Variants in MBP observed in about 807,000 individuals in gnomAD.
The protein encoded by MBP is Golli-MBP.
MBP carries 16 observed loss-of-function variants against 35.8 expected under a neutral mutation model. The observed-to-expected ratio is 0.45, with a 90% CI of 0.30 to 0.68. The LOEUF is 0.68. Ranked by LOEUF, MBP falls within the 30% of genes least tolerant of loss-of-function variation. The pLI is 0.08. For synonymous variants in MBP, 143 were observed against 159.6 expected, an observed-to-expected ratio of 0.90 and a Z score of 0.78; for missense variants, 380 against 404.7, an observed-to-expected ratio of 0.94 and a Z score of 0.52.
At chr18:77,067,970 C>T in intron 2 of MBP, 1 of 402,472 alleles carries the variant, frequency 2.5e-6, no homozygotes. Flanking sequence ...GGGCCCTACA[C>T]TCCGCCTCCT....
intron 2 of MBP, among the ~76,000 whole-genome samples, chr18:77,075,490 G>A (rs947118009): frequency 2.0e-5 from 3 of 152,206 alleles, no homozygotes; most frequent in East Asian, 1.9e-4. Flanking sequence ...CAGGAGCAGC[G>A]GGCTGAAGGT....
chr18:77,052,197 A>T (rs1253708158), intron 3 of MBP, among the ~76,000 whole-genome samples: 1 of 152,212 alleles, frequency 6.6e-6, no homozygotes, highest in Non-Finnish European at 1.5e-5. Context: ...CAGAGTCCCA[A>T]GTTCCAATCA....
intron 3 of MBP, among the ~76,000 whole-genome samples, chr18:77,059,769 T>A (rs914252761): frequency 9.2e-5 from 14 of 152,110 alleles, no homozygotes; most frequent in Non-Finnish European, 1.8e-4. Context: ...AGATAAGAGA[T>A]GCACCGCCTT....
intron 8 of MBP, chr18:76,982,569 C>T (rs1482228532): frequency 6.6e-6 from 1 of 152,164 alleles, no homozygotes; most frequent in Non-Finnish European, 1.5e-5. Context: ...GTTTTTTCTA[C>T]CCAGTTCCTA....
intron 4 of MBP, among the ~76,000 whole-genome samples, chr18:77,007,135 C>T (rs151229452): frequency 9.8e-5 from 15 of 152,320 alleles, no homozygotes; most frequent in African/African-American, 3.6e-4. Context: ...TCATGGAATC[C>T]CTGCATTTTA....
At chr18:77,051,085 G>A (rs1973468335) in intron 3 of MBP, among the ~76,000 whole-genome samples, 2 of 152,094 alleles carry the variant, frequency 1.3e-5, no homozygotes, top group Admixed American at 6.5e-5. Flanking sequence ...TGGTAAACTT[G>A]AGGTAACATA....
intron 4 of MBP, chr18:77,015,549 C>G (rs187100049): frequency 2.3e-5 from 23 of 985,336 alleles, no homozygotes; most frequent in East Asian, 2.3e-4. Flanking sequence ...ATATGAATTC[C>G]ATTAGTATCT....
chr18:77,106,510 C>T (rs113677220), intron 1 of MBP, among the ~76,000 whole-genome samples: 32 of 152,190 alleles, frequency 2.1e-4, no homozygotes, highest in Admixed American at 5.2e-4. Context: ...GACTAGCAGC[C>T]GACCACAGAC....
intron 1 of MBP, among the ~76,000 whole-genome samples, chr18:77,106,558 T>C (rs1630958): frequency 0.27 from 41,225 of 151,974 alleles, 6,523 homozygotes; most frequent in South Asian, 0.4. Flanking sequence ...GTGATGAAAC[T>C]GGGGCCCACG....
intron 4 of MBP, among the ~76,000 whole-genome samples, chr18:76,991,138 C>T (rs1453313455): frequency 6.6e-6 from 1 of 152,196 alleles, no homozygotes; most frequent in African/African-American, 2.4e-5. Flanking sequence ...ATGAGCTGGT[C>T]TCTGCTTCTC....
At chr18:77,003,276 T>C (rs1487498335) in intron 4 of MBP, 1 of 152,164 alleles carries the variant, frequency 6.6e-6, no homozygotes, top group Non-Finnish European at 1.5e-5. Context: ...AACCAACATA[T>C]CTCCTGGTCC....
At chr18:77,096,143 A>G (rs1975748651) in intron 2 of MBP, among the ~76,000 whole-genome samples, 1 of 152,258 alleles carries the variant, frequency 6.6e-6, no homozygotes. Context: ...CCTAGTTGGA[A>G]AAAGTCAGTG....
At chr18:77,118,741 GACACCACACAC>G (rs1347897490) in intron 1 of MBP, among the ~76,000 whole-genome samples, 1 of 120,998 alleles carries the variant, frequency 8.3e-6, no homozygotes, top group Admixed American at 8.5e-5. Context: ...ACCCTTCACA[GACACCACACAC>G]ACACCACACA....
chr18:77,101,421 A>G lies in MBP; in HGVS notation c.51+3790T>C, dbSNP rs1383487576. Among the ~76,000 whole-genome samples the G allele has an allele frequency of 6.6e-6, 1 of 152,254 alleles. No individual in the cohort carries two copies. The highest frequency in any genetic ancestry group is 1.5e-5 in the Non-Finnish European group (1 of 68,042). On this transcript the variant is annotated intron_variant, in intron 2 of 8. Coordinates refer to ENST00000355994, the MANE Select transcript of MBP (RefSeq NM_001025101.2). This position sits in a 1 kb window ranked among gnomAD's most constrained non-coding sequence, Gnocchi z 4.3. The stretch of plus-strand genomic sequence containing the variant: ...GAACAGGAGTTTCTTCGTTTCTGAG[A>G]AGGAGCGCTGTGCCCTGAACCTGCG...
chr18:77,010,820 T>C (rs1014562004), intron 4 of MBP, among the ~76,000 whole-genome samples: 1 of 152,166 alleles, frequency 6.6e-6, no homozygotes, highest in African/African-American at 2.4e-5. Context: ...GAAAGACTAT[T>C]ATTATAGGAC....
chr18:77,075,731 A>G (rs1974624310), intron 2 of MBP, among the ~76,000 whole-genome samples: 1 of 152,218 alleles, frequency 6.6e-6, no homozygotes, highest in Non-Finnish European at 1.5e-5. Flanking sequence ...GTGCTTTTCA[A>G]TGCACAGGAG....
intron 1 of MBP, among the ~76,000 whole-genome samples, chr18:77,132,373 T>G (rs2406727): frequency 0.97 from 148,349 of 152,248 alleles, 72,370 homozygotes; most frequent in East Asian, 1. Context: ...GGCCACCTGC[T>G]CCGCTGCCTA....
chr18:76,998,235 C>T (rs1970424793), intron 4 of MBP, among the ~76,000 whole-genome samples: 1 of 152,222 alleles, frequency 6.6e-6, no homozygotes. Context: ...CCCGAGGGGC[C>T]TCCTGTGCAT....
rs142836347 is a variant in MBP, at chr18:77,016,592, C to G, written c.576+240G>C. 8 of 1,389,234 alleles carry G rather than the reference C, an allele frequency of 5.8e-6. No individual in the cohort carries two copies. The African/African-American group carries it at 1.2e-4, about 20-fold the overall frequency. The allele number at this position is 1,389,234 out of a possible 1,614,324, so 86.1% of individuals were successfully genotyped here. A position where few individuals can be genotyped will look rare whatever the true frequency, so the allele number is the denominator to read the frequency against. On this transcript the variant is annotated intron_variant, in intron 4 of 8. Coordinates refer to ENST00000355994, the MANE Select transcript of MBP (RefSeq NM_001025101.2). ...CAGAATTCAGCATGTCCTTACATTCCTGAGCCACACCCCGGCCACCATCCC... is the reference window on the plus strand; with the variant it reads ...CAGAATTCAGCATGTCCTTACATTCGTGAGCCACACCCCGGCCACCATCCC...
Sources: gnomAD v4.1 joint callset for allele counts (sites outside exome capture counted in the v4.1 genomes callset) on GRCh38, gnomAD v4.1.1 for gene constraint, Gnocchi (gnomAD v3.1) non-coding constraint, MANE v1.5 for transcripts, NCBI Gene and HGNC (gene_info 2026-07-23, HGNC 2026-07-21) for gene names.